AGBL1: variants seen among roughly 807,000 people sequenced by gnomAD.
AGBL1 encodes AGBL carboxypeptidase 1.
Under a neutral mutation model 118.9 loss-of-function variants are expected in AGBL1, and 130 were observed. The ratio of observed to expected loss-of-function variants is 1.09; its 90% CI spans 0.95 to 1.26. AGBL1 has a LOEUF of 1.26. Among genes scored for constraint, AGBL1 ranks in the 50% most tolerant of loss-of-function variants. The pLI, the probability that AGBL1 is intolerant of heterozygous loss-of-function variation, is 0.00. For synonymous variants in AGBL1, 555 were observed against 478.9 expected (o/e 1.16, Z -2.08); for missense variants, 1,584 against 1,298.1 (o/e 1.22, Z -3.38).
At chr15:86,228,079 G>T (rs1277330235) in intron 6 of AGBL1, among the ~76,000 whole-genome samples, 1 of 152,188 alleles carries the variant, frequency 6.6e-6, no homozygotes, top group East Asian at 1.9e-4. Context: ...GAAGGGTCTG[G>T]TTATAGATGG....
At chr15:86,211,397 T>G (rs1003725160) in intron 5 of AGBL1, among the ~76,000 whole-genome samples, 11 of 152,226 alleles carry the variant, frequency 7.2e-5, no homozygotes. Flanking sequence ...CATTTAAGTC[T>G]GCAGAAGTTT....
chr15:86,607,760 AT>A (rs1193981114), intron 21 of AGBL1, among the ~76,000 whole-genome samples: 1 of 151,686 alleles, frequency 6.6e-6, no homozygotes, highest in Non-Finnish European at 1.5e-5. Context: ...AAATTGGGTT[AT>A]TTTCTTATTG....
At chr15:86,951,337 T>G (rs2080878712) in intron 23 of AGBL1, among the ~76,000 whole-genome samples, 1 of 152,166 alleles carries the variant, frequency 6.6e-6, no homozygotes, top group Non-Finnish European at 1.5e-5. Flanking sequence ...GCTATTATAC[T>G]CAAGACAAAT....
chr15:86,424,434 C>T (rs982965831), intron 18 of AGBL1, among the ~76,000 whole-genome samples: 1 of 152,048 alleles, frequency 6.6e-6, no homozygotes, highest in Admixed American at 6.6e-5. Context: ...CCATAAAAAC[C>T]CTAGAAGAAA....
chr15:86,653,822 C>A (rs1305236955), intron 21 of AGBL1, among the ~76,000 whole-genome samples: 1 of 152,102 alleles, frequency 6.6e-6, no homozygotes, highest in Non-Finnish European at 1.5e-5. Context: ...CTGGAACTAG[C>A]CAATGTCTCA....
intron 18 of AGBL1, among the ~76,000 whole-genome samples, chr15:86,398,739 C>G (rs2081403033): frequency 6.6e-6 from 1 of 151,902 alleles, no homozygotes; most frequent in Non-Finnish European, 1.5e-5. Flanking sequence ...AGACTAGTTT[C>G]AAAAGATAAG....
At chr15:86,236,296 G>A (rs997701067) in intron 6 of AGBL1, among the ~76,000 whole-genome samples, 2 of 150,766 alleles carry the variant, frequency 1.3e-5, no homozygotes, top group African/African-American at 4.9e-5. Flanking sequence ...CAGAGCACTA[G>A]ACATCTCTTG....
At chr15:86,934,121 C>T (rs1182418739) in intron 23 of AGBL1, among the ~76,000 whole-genome samples, 1 of 152,162 alleles carries the variant, frequency 6.6e-6, no homozygotes, top group Non-Finnish European at 1.5e-5. Context: ...ATTATCTCTT[C>T]AAATTTATGC....
intron 17 of AGBL1, among the ~76,000 whole-genome samples, chr15:86,395,788 T>A (rs1431664213): frequency 1.3e-5 from 2 of 150,836 alleles, no homozygotes; most frequent in African/African-American, 2.4e-5. Flanking sequence ...TAGGTTTTAT[T>A]TTTTTTTTGG....
intron 22 of AGBL1, among the ~76,000 whole-genome samples, chr15:86,859,641 G>A (rs1276840441): frequency 2.6e-5 from 4 of 152,154 alleles, no homozygotes; most frequent in Non-Finnish European, 5.9e-5. Context: ...GAGAACACAC[G>A]GCTTGTCACG....
intron 23 of AGBL1, among the ~76,000 whole-genome samples, chr15:86,940,296 T>C (rs919820911): frequency 2.0e-5 from 3 of 152,092 alleles, no homozygotes; most frequent in Admixed American, 1.3e-4. Flanking sequence ...TTTGTTGATC[T>C]GTAAAATGGA....
chr15:86,931,604 GCTGCTGCTGC>G (rs1283422620), intron 23 of AGBL1, among the ~76,000 whole-genome samples: 2 of 121,836 alleles, frequency 1.6e-5, no homozygotes, highest in African/African-American at 5.4e-5. Context: ...TGCTGCTGCT[GCTGCTGCTGC>G]TGGTTGTTGT....
intron 19 of AGBL1, among the ~76,000 whole-genome samples, chr15:86,524,979 T>C (rs939900959): frequency 3.9e-5 from 6 of 152,282 alleles, no homozygotes; most frequent in Middle Eastern, 6.8e-3. Context: ...TTGCTAATGA[T>C]ATGATCATAT....
At chr15:86,769,848 C>G (rs576320894) in intron 22 of AGBL1, among the ~76,000 whole-genome samples, 1 of 151,880 alleles carries the variant, frequency 6.6e-6, no homozygotes, top group Non-Finnish European at 1.5e-5. Context: ...CTTTTAAAGT[C>G]ACAAATGCAA....
intron 22 of AGBL1, among the ~76,000 whole-genome samples, chr15:86,690,420 C>A (rs184252335): frequency 2.2e-4 from 34 of 152,204 alleles, no homozygotes; most frequent in Non-Finnish European, 2.5e-4. Flanking sequence ...GAAAACATGT[C>A]ATCTTAATAA....
chr15:86,617,758 G>GCACACA (rs1053481155), intron 21 of AGBL1, among the ~76,000 whole-genome samples: 77 of 82,358 alleles, frequency 9.3e-4, no homozygotes, highest in African/African-American at 3.5e-3. Flanking sequence ...TCAACTTTAT[G>GCACACA]CGCACACACA....
At chr15:86,953,814 C>T (rs1334666932) in intron 23 of AGBL1, among the ~76,000 whole-genome samples, 1 of 152,034 alleles carries the variant, frequency 6.6e-6, no homozygotes, top group African/African-American at 2.4e-5. Context: ...GTTCTAGGAG[C>T]CTTTTGGAAG....
chr15:86,636,208 TC>T (rs1380376794), intron 21 of AGBL1, among the ~76,000 whole-genome samples: 2 of 152,090 alleles, frequency 1.3e-5, no homozygotes, highest in African/African-American at 4.8e-5. Context: ...AATACCCACT[TC>T]TACAAATTTT....
At chr15:86,426,077 T>C (rs1454904344) in intron 18 of AGBL1, among the ~76,000 whole-genome samples, 1 of 152,138 alleles carries the variant, frequency 6.6e-6, no homozygotes, top group Admixed American at 6.6e-5. Context: ...CTCTAGTATA[T>C]AGTAGAACAT....
Sources: allele counts gnomAD v4.1 joint callset (sites outside exome capture counted in the v4.1 genomes callset), GRCh38; gene constraint gnomAD v4.1.1; transcripts MANE v1.5; gene names NCBI Gene and HGNC (gene_info 2026-07-23, HGNC 2026-07-21).